The following CACNA2D3 variants were observed in gnomAD, a reference collection of about 807,000 sequenced individuals.
CACNA2D3 encodes voltage-dependent calcium channel subunit alpha-2/delta-3.
A neutral mutation model predicts 160.6 loss-of-function variants in CACNA2D3; 60 were observed. The observed-to-expected ratio is 0.37, with a 90% CI of 0.30 to 0.46. The LOEUF is 0.46. Ranked by LOEUF, CACNA2D3 falls within the 20% of genes least tolerant of loss-of-function variation. The pLI is 1.00. For missense variants in CACNA2D3, 1,205 were observed against 1,365.0 expected (o/e 0.88, Z 1.85); for synonymous variants, 558 against 492.9 (o/e 1.13, Z -1.75).
intron 17 of CACNA2D3, among the ~76,000 whole-genome samples, chr3:54,863,963 G>T: frequency 6.6e-6 from 1 of 151,972 alleles, no homozygotes; most frequent in Non-Finnish European, 1.5e-5. Flanking sequence ...AGTATATCTG[G>T]GCTTCTCATC....
intron 2 of CACNA2D3, among the ~76,000 whole-genome samples, chr3:54,315,979 G>A (rs988954699): frequency 1.3e-5 from 2 of 151,932 alleles, no homozygotes; most frequent in South Asian, 2.1e-4. Context: ...GAAAATAAAG[G>A]TAAGCAAAAG....
At chr3:54,529,377 C>A (rs1701772771) in intron 5 of CACNA2D3, among the ~76,000 whole-genome samples, 1 of 152,172 alleles carries the variant, frequency 6.6e-6, no homozygotes, top group African/African-American at 2.4e-5. Context: ...ATGCCTCGGA[C>A]AAGTCATTCT....
chr3:54,764,637 A>G (rs1296886989), intron 13 of CACNA2D3, among the ~76,000 whole-genome samples: 2 of 152,086 alleles, frequency 1.3e-5, no homozygotes, highest in African/African-American at 4.8e-5. Flanking sequence ...CATGTGTTCA[A>G]ATTCTGTCAG....
At chr3:55,063,296 G>C (rs1704557114) in intron 35 of CACNA2D3, among the ~76,000 whole-genome samples, 1 of 151,840 alleles carries the variant, frequency 6.6e-6, no homozygotes, top group Non-Finnish European at 1.5e-5. Flanking sequence ...AAGATCCTCA[G>C]GTCATCCGTA....
chr3:54,672,885 T>TA (rs1431354980), intron 11 of CACNA2D3, among the ~76,000 whole-genome samples: 14 of 152,368 alleles, frequency 9.2e-5, no homozygotes, highest in African/African-American at 3.4e-4. Flanking sequence ...GACAGTGTGA[T>TA]ACCAATGACA....
At position 54,903,332 on chromosome 3, in the gene CACNA2D3, T is replaced by C. The variant is rs141438408; in HGVS notation, c.2449+3464T>C. ...TTTGGTTTTCTGTTCCTGCATTAGT[T>C]TGCTAAGGATAATGGCCTGCAATTC... On this transcript the variant is annotated intron_variant, in intron 27 of 37. Transcript: ENST00000474759. 3.7e-4 allele frequency among the ~76,000 whole-genome samples: 56 copies of C among 152,314 alleles called. No individual in the cohort carries two copies. The East Asian group carries it at 9.5e-3, about 26-fold the overall frequency.
At chr3:54,589,512 T>G (rs1203997544) in intron 9 of CACNA2D3, among the ~76,000 whole-genome samples, 2 of 151,740 alleles carry the variant, frequency 1.3e-5, no homozygotes, top group Non-Finnish European at 2.9e-5. Flanking sequence ...ATCAAAAATA[T>G]AATTTGTAAA....
rs137899414 is a variant in CACNA2D3 at position 54,768,343 on chromosome 3, C to G, written c.1380+3992C>G. Among the ~76,000 whole-genome samples, 455 of 152,272 alleles carry G rather than the reference C, an allele frequency of 3.0e-3. 2 individuals are homozygous for G. Among genetic ancestry groups the G allele is most frequent in the African/African-American group, 0.01 (433 of 41,558 alleles). On this transcript the variant is annotated intron_variant, in intron 13 of 37. Coordinates refer to ENST00000474759, the MANE Select transcript of CACNA2D3 (RefSeq NM_018398.3). Reference sequence around the variant, plus strand: ...CATCACACTTATGTATTGTTTTGACCAGGGACACATAACCTGATGCTCACG... The same window carrying G: ...CATCACACTTATGTATTGTTTTGACGAGGGACACATAACCTGATGCTCACG...
At position 54,318,893 on chromosome 3, in the gene CACNA2D3, T is replaced by C. The variant is rs527606674; in HGVS notation, c.205-1549T>C. Among the ~76,000 whole-genome samples the C allele has an allele frequency of 3.3e-5, 5 of 152,108 alleles. No individual in the cohort carries two copies. The South Asian group carries it at 6.2e-4, about 19-fold the overall frequency. ...CAAACAAAAAAAAATTTGTAGAGAC[T>C]GGGTCTCACTATGTTGCTCAGGCTA... On this transcript the variant is annotated intron_variant, in intron 2 of 37. Transcript: ENST00000474759.
At chr3:54,536,062 A>G (rs940355915) in intron 5 of CACNA2D3, among the ~76,000 whole-genome samples, 6 of 152,218 alleles carry the variant, frequency 3.9e-5, no homozygotes, top group Non-Finnish European at 1.5e-5. Flanking sequence ...GTTGTGTTTT[A>G]TGTATTCCAT....
chr3:54,650,549 G>C (rs903066913), intron 11 of CACNA2D3, among the ~76,000 whole-genome samples: 1 of 152,174 alleles, frequency 6.6e-6, no homozygotes, highest in Admixed American at 6.5e-5. Context: ...TTTTTTAGTA[G>C]AGATGAGGTT....
intron 13 of CACNA2D3, among the ~76,000 whole-genome samples, chr3:54,769,831 ATTGT>A (rs1042202421): frequency 3.3e-5 from 5 of 152,240 alleles, no homozygotes; most frequent in Non-Finnish European, 5.9e-5. Context: ...CTTGGAAAAC[ATTGT>A]TTGTTTAACG....
Position 54,623,012 on chromosome 3 carries a change from G to T in CACNA2D3, c.964-4775G>T, listed in dbSNP as rs760315131. ...GAAGAGGAAGATCATTTTAATGCAGGGGAAGCTTTCACGAGGTATGGTCTC... is the reference window on the plus strand; with the variant it reads ...GAAGAGGAAGATCATTTTAATGCAGTGGAAGCTTTCACGAGGTATGGTCTC... On this transcript the variant is annotated intron_variant, in intron 9 of 37. Coordinates refer to ENST00000474759, the MANE Select transcript of CACNA2D3 (RefSeq NM_018398.3). Among the ~76,000 whole-genome samples the T allele has an allele frequency of 1.6e-4, 25 of 152,306 alleles. 1 individual carries two copies. In the South Asian group the frequency reaches 3.5e-3, roughly 21 times the overall value.
At chr3:54,809,342 C>G (rs1276855237) in intron 13 of CACNA2D3, among the ~76,000 whole-genome samples, 1 of 66,684 alleles carries the variant, frequency 1.5e-5, no homozygotes, top group Non-Finnish European at 2.6e-5. Context: ...GACGGAGTCT[C>G]GCTCTGTCGC....
chr3:54,736,873 C>T (rs1701542118), intron 11 of CACNA2D3, among the ~76,000 whole-genome samples: 1 of 152,078 alleles, frequency 6.6e-6, no homozygotes, highest in African/African-American at 2.4e-5. Context: ...CCTTTGTAAT[C>T]CTCGGTTTGT....
intron 4 of CACNA2D3, among the ~76,000 whole-genome samples, chr3:54,449,314 A>G (rs1575460728): frequency 1.3e-5 from 2 of 152,308 alleles, no homozygotes; most frequent in African/African-American, 2.4e-5. Context: ...AAATACAGGA[A>G]TTTATCTCTA....
rs111676101 is a variant in CACNA2D3 at position 55,059,808 on chromosome 3, T to C, written c.2988-13637T>C. On this transcript the variant is annotated intron_variant, in intron 35 of 37. Transcript: ENST00000474759. ...GATTGGGGGGTGGAAAGGGATGGAA[T>C]GGGAAGATGATCTTCCCCTGGAGTT... Among the ~76,000 whole-genome samples the C allele has an allele frequency of 3.0e-3, 458 of 152,156 alleles. 3 individuals are homozygous for C. The highest frequency in any genetic ancestry group is 4.9e-3 in the Non-Finnish European group (336 of 67,992).
At chr3:54,428,414 G>A (rs1057451608) in intron 4 of CACNA2D3, among the ~76,000 whole-genome samples, 1 of 152,116 alleles carries the variant, frequency 6.6e-6, no homozygotes, top group Non-Finnish European at 1.5e-5. Flanking sequence ...ACTGGGGGCC[G>A]AGATCTGATT....
chr3:54,581,328 C>T (rs1050688887), intron 8 of CACNA2D3, among the ~76,000 whole-genome samples: 4 of 152,148 alleles, frequency 2.6e-5, no homozygotes, highest in African/African-American at 9.7e-5. Flanking sequence ...CACCCACATA[C>T]CCTTGCAGAG....
Sources: allele counts gnomAD v4.1 joint callset (sites outside exome capture counted in the v4.1 genomes callset), GRCh38; gene constraint gnomAD v4.1.1; transcripts MANE v1.5; gene names NCBI Gene and HGNC (gene_info 2026-07-23, HGNC 2026-07-21).